TCF25: variants seen among roughly 807,000 people sequenced by gnomAD.
TCF25 encodes the protein TCF25 ribosome quality control complex subunit.
TCF25 carries 41 observed loss-of-function variants against 83.1 expected under a neutral mutation model. The ratio of observed to expected loss-of-function variants is 0.49; its 90% CI spans 0.38 to 0.64. The LOEUF (loss-of-function observed/expected upper bound fraction) is 0.64. TCF25 is among the 30% of genes least tolerant of loss of function. The pLI is 0.00. For missense variants in TCF25, 979 were observed against 914.5 expected (o/e 1.07, Z -0.91); for synonymous variants, 458 against 365.0 (o/e 1.25, Z -2.90).
At chr16:89,903,387 C>T (rs2044506204) in intron 12 of TCF25, among the ~76,000 whole-genome samples, 1 of 152,248 alleles carries the variant, frequency 6.6e-6, no homozygotes, top group African/African-American at 2.4e-5. Flanking sequence ...AAACATCCAA[C>T]CGGCCGGGCA....
chr16:89,888,669 C>T (rs966183893), intron 5 of TCF25, among the ~76,000 whole-genome samples: 2 of 148,614 alleles, frequency 1.3e-5, no homozygotes, highest in South Asian at 2.1e-4. Context: ...GTTTCTTTCT[C>T]TCTTTCTTTC....
chr16:89,904,499 G>A, intron 13 of TCF25: 2 of 515,100 alleles, frequency 3.9e-6, no homozygotes, highest in Non-Finnish European at 7.1e-6. Context: ...AGGCCGGCTT[G>A]TGCCTGGGAG....
At chr16:89,902,849 A>G (rs2044458132) in intron 12 of TCF25, among the ~76,000 whole-genome samples, 1 of 152,060 alleles carries the variant, frequency 6.6e-6, no homozygotes, top group Non-Finnish European at 1.5e-5. Flanking sequence ...CTCATCGCCT[A>G]TTAGGATGTC....
chr16:89,909,801 G>A (rs1171158677), intron 16 of TCF25: 1 of 152,510 alleles, frequency 6.6e-6, no homozygotes, highest in Non-Finnish European at 1.5e-5. Flanking sequence ...TTCCCCAGCA[G>A]AGTCACGATG....
Position 89,908,240 on chromosome 16 carries a change from AC to A in TCF25, c.1799+920del, listed in dbSNP as rs1567744352. On this transcript the variant is annotated intron_variant, in intron 16 of 17. Transcript: ENST00000263346. Reference sequence around the variant, plus strand: ...CCCCGCCTCCCTCCTCTCAGTTCCCACCTCCCAGCTCCCACCTCCCAGCTCC... The same window carrying A: ...CCCCGCCTCCCTCCTCTCAGTTCCCACTCCCAGCTCCCACCTCCCAGCTCC... Among the ~76,000 whole-genome samples, 128 of 38,194 alleles carry A rather than the reference AC, an allele frequency of 3.4e-3. 3 individuals are homozygous for A. Among genetic ancestry groups the A allele is most frequent in the African/African-American group, 0.017 (120 of 7,238 alleles). 25.1% of individuals were successfully genotyped at this position (38,194 alleles called of 152,430 possible). A position where few individuals can be genotyped will look rare whatever the true frequency, so the allele number is the denominator to read the frequency against.
chr16:89,903,516 T>C (rs1201605811), intron 12 of TCF25, among the ~76,000 whole-genome samples: 1 of 151,014 alleles, frequency 6.6e-6, no homozygotes, highest in African/African-American at 2.4e-5. Flanking sequence ...ACCAAAAATA[T>C]AAAAATTAGC....
In TCF25 at chr16:89,891,785, G is replaced by A. The variant is rs189885271; in HGVS notation, c.615-408G>A. On this transcript the variant is annotated intron_variant, in intron 5 of 17. Coordinates refer to ENST00000263346, the MANE Select transcript of TCF25 (RefSeq NM_014972.3). ...TCTTGAGACAGGGCCTTGCTCTGTCGTCCAGGCTGGAGTGCTGGGATCACA... is the reference window on the plus strand; with the variant it reads ...TCTTGAGACAGGGCCTTGCTCTGTCATCCAGGCTGGAGTGCTGGGATCACA... Among the ~76,000 whole-genome samples, 1,085 of 152,132 alleles carry A rather than the reference G, an allele frequency of 7.1e-3. 3 individuals carry two copies. The highest frequency in any genetic ancestry group is 0.011 in the Non-Finnish European group (742 of 67,968).
intron 16 of TCF25, 142 bp from the exon 17 acceptor site, chr16:89,910,449 G>C: frequency 1.3e-6 from 1 of 773,152 alleles, no homozygotes; most frequent in East Asian, 2.6e-5. Flanking sequence ...CAGGGCCTGT[G>C]CTCAGCTGCT....
chr16:89,885,742 T>G (rs2042955190), intron 3 of TCF25, 106 bp from the exon 4 acceptor site: 1 of 920,176 alleles, frequency 1.1e-6, no homozygotes, highest in African/African-American at 1.7e-5. Flanking sequence ...CTTTAGGAAG[T>G]AAATACAGTG....
At chr16:89,885,661 G>A (rs1482408627) in intron 3 of TCF25, among the ~76,000 whole-genome samples, 187 bp from the exon 4 acceptor site, 1 of 152,178 alleles carries the variant, frequency 6.6e-6, no homozygotes, top group African/African-American at 2.4e-5. Context: ...TCTATGCTGA[G>A]CGCTTCTTAG....
Position 89,905,014 on chromosome 16 carries a change from A to G in TCF25, c.1546A>G (p.Met516Val), listed in dbSNP as rs1471770503. The change falls in exon 14 of 18, where the codon ATG (methionine) becomes GTG (valine). Residue 516 changes from methionine (M) to valine (V), a missense_variant. By Grantham distance (21) the Met-to-Val change is conservative (BLOSUM62 1). Coordinates refer to ENST00000263346, the MANE Select transcript of TCF25 (RefSeq NM_014972.3). ...SHFLWKEPATMSWLEENVHEV... is the reference protein window; with the variant it reads ...SHFLWKEPATVSWLEENVHEV... ...CTTTCTCTGGAAAGAGCCCGCCACC[A>G]TGAGCTGGCTGGAGGAGAACGTCCA... 5 of 1,604,916 alleles carry G rather than the reference A, an allele frequency of 3.1e-6. No individual in the cohort carries two copies. Among genetic ancestry groups the G allele is most frequent in the Non-Finnish European group, 4.3e-6 (5 of 1,176,240 alleles).
Position 89,905,023 on chromosome 16 carries a change from C to T in TCF25, c.1555C>T (p.Leu519=). 1.2e-6 allele frequency: 2 copies of T among 1,603,420 alleles called. No homozygotes were observed. The highest frequency in any genetic ancestry group is 1.7e-5 in the Admixed American group (1 of 58,622). Residue 519 remains leucine (L), a synonymous_variant, in exon 14 of 18, where the codon CTG becomes TTG. Coordinates refer to ENST00000263346, the MANE Select transcript of TCF25 (RefSeq NM_014972.3). ...LWKEPATMSW[L]EENVHEVLQA... is the part of the protein sequence containing the mutation. The stretch of plus-strand genomic sequence containing the variant: ...GAAAGAGCCCGCCACCATGAGCTGG[C>T]TGGAGGAGAACGTCCACGAGGTTCT...
At position 89,904,288 on chromosome 16, in the gene TCF25, C is replaced by T. The variant is rs557892886; in HGVS notation, c.1469+83C>T. 2.5e-5 allele frequency: 36 copies of T among 1,428,242 alleles called. No homozygotes were observed. The South Asian group carries it at 4.1e-4, about 16-fold the overall frequency. The allele number at this position is 1,428,242 out of a possible 1,614,324, so 88.5% of individuals were successfully genotyped here. A position where few individuals can be genotyped will look rare whatever the true frequency, so the allele number is the denominator to read the frequency against. Reference sequence around the variant, plus strand: ...CCATTTTCACTCATCCTGAGAGGCCCTGAGGGACCTGCTTCCAGCAGCAGG... The same window carrying T: ...CCATTTTCACTCATCCTGAGAGGCCTTGAGGGACCTGCTTCCAGCAGCAGG... On this transcript the variant is annotated intron_variant, in intron 13 of 17. Coordinates refer to ENST00000263346, the MANE Select transcript of TCF25 (RefSeq NM_014972.3).
At position 89,911,146 on chromosome 16, in the gene TCF25, C is replaced by G; in HGVS notation, c.1939C>G (p.Leu647Val). The change falls in exon 18 of 18, where the codon CTG (leucine) becomes GTG (valine). Residue 647 changes from leucine (L) to valine (V), a missense_variant. Physicochemically the swap from Leu to Val is conservative, Grantham distance 32. Coordinates refer to ENST00000263346, the MANE Select transcript of TCF25 (RefSeq NM_014972.3). ...CAACCAGGGCCTGAACAGGCTGATGCTGGCTGTGCGCGACATGATGGCCAA... is the reference window on the plus strand; with the variant it reads ...CAACCAGGGCCTGAACAGGCTGATGGTGGCTGTGCGCGACATGATGGCCAA... Reference protein sequence around the residue: ...NRNQGLNRLMLAVRDMMANFH... With the variant: ...NRNQGLNRLMVAVRDMMANFH... 9.3e-6 allele frequency: 15 copies of G among 1,612,074 alleles called. No homozygotes were observed. The highest frequency in any genetic ancestry group is 1.3e-5 in the Non-Finnish European group (15 of 1,179,946).
At chr16:89,904,903 G>A (rs1389714570) in intron 13 of TCF25, 35 bp from the exon 14 acceptor site, 2 of 1,586,502 alleles carry the variant, frequency 1.3e-6, no homozygotes, top group South Asian at 2.3e-5. Flanking sequence ...GTGGTCTGAA[G>A]AGGGGTTCTG....
At chr16:89,889,552 C>CT (rs773150311) in intron 5 of TCF25, 582 of 143,266 alleles carry the variant, frequency 4.1e-3, no homozygotes, top group South Asian at 0.014. Flanking sequence ...CGTCTGAGTT[C>CT]TTTTTTTTTT....
intron 6 of TCF25, among the ~76,000 whole-genome samples, 155 bp downstream of exon 6, chr16:89,892,430 CA>C (rs1476131320): frequency 6.6e-6 from 1 of 152,022 alleles, no homozygotes; most frequent in Non-Finnish European, 1.5e-5. Flanking sequence ...CGCTGGGCAC[CA>C]GGGGCGTCAG....
intron 12 of TCF25, 59 bp from the exon 13 acceptor site, chr16:89,904,059 G>C: frequency 2.6e-6 from 4 of 1,537,652 alleles, no homozygotes; most frequent in Non-Finnish European, 3.6e-6. Context: ...TGCCTTGGGG[G>C]CTAGGAGTGG....
At chr16:89,876,073 T>C (rs1379830536) in intron 1 of TCF25, among the ~76,000 whole-genome samples, 1 of 152,032 alleles carries the variant, frequency 6.6e-6, no homozygotes, top group African/African-American at 2.4e-5. Flanking sequence ...GGTTCATGAG[T>C]TGACAGAGTA....
Sources: allele counts gnomAD v4.1 joint callset (sites outside exome capture counted in the v4.1 genomes callset), GRCh38; gene constraint gnomAD v4.1.1; transcripts MANE v1.5; gene names NCBI Gene and HGNC (gene_info 2026-07-23, HGNC 2026-07-21).